Variants in TNC observed in about 807,000 individuals in gnomAD.
The protein encoded by TNC is tenascin C.
A neutral mutation model predicts 202.4 loss-of-function variants in TNC; 109 were observed. That is an observed-to-expected ratio of 0.54 (90% CI 0.46 to 0.63). TNC has a LOEUF of 0.63. Among genes scored for constraint, TNC ranks in the 30% least tolerant of loss-of-function variants. The probability of loss-of-function intolerance (pLI) is 0.00; values close to 1 mark genes in which losing one functional copy is unlikely to be tolerated. For missense variants in TNC, 2,756 were observed against 2,833.3 expected (o/e 0.97, Z 0.62); for synonymous variants, 1,007 against 1,089.7 (o/e 0.92, Z 1.50).
chr9:115,075,845 T>C (rs1749560436), intron 9 of TNC, among the ~76,000 whole-genome samples, 187 bp downstream of exon 9: 1 of 152,206 alleles, frequency 6.6e-6, no homozygotes, highest in South Asian at 2.1e-4. Context: ...GGGGATGATG[T>C]TGGCATCATA....
chr9:115,111,366 T>C (rs1837033786), intron 1 of TNC, among the ~76,000 whole-genome samples: 1 of 149,288 alleles, frequency 6.7e-6, no homozygotes, highest in Admixed American at 6.7e-5. Flanking sequence ...GATTGTGATG[T>C]GCCTCTTGCT....
chr9:115,102,810 C>T (rs1294316554), intron 1 of TNC, among the ~76,000 whole-genome samples: 5 of 152,186 alleles, frequency 3.3e-5, no homozygotes, highest in Non-Finnish European at 7.3e-5. Flanking sequence ...TCTCTGAATG[C>T]ACAACACAAA....
chr9:115,087,146 G>C lies in TNC; in HGVS notation c.585C>G (p.His195Gln). The change falls in exon 3 of 28, where the codon CAC (histidine) becomes CAG (glutamine). Residue 195 changes from histidine to glutamine, a missense_variant. Coordinates refer to ENST00000350763, the MANE Select transcript of TNC (RefSeq NM_002160.4). ...CSEPECPGNCHLRGRCIDGQC... is the reference protein window; with the variant it reads ...CSEPECPGNCQLRGRCIDGQC... Reference sequence around the variant, plus strand: ...GCCCATCAATGCACCGGCCTCGAAGGTGACAGTTGCCTGGACATTCGGGCT... The same window carrying C: ...GCCCATCAATGCACCGGCCTCGAAGCTGACAGTTGCCTGGACATTCGGGCT... The C allele has an allele frequency of 6.2e-7, 1 of 1,614,254 alleles. No homozygotes were observed. Among genetic ancestry groups the C allele is most frequent in the Non-Finnish European group, 8.5e-7 (1 of 1,180,056 alleles).
At chr9:115,044,611 T>C (rs1438677575) in intron 17 of TNC, among the ~76,000 whole-genome samples, 1 of 152,006 alleles carries the variant, frequency 6.6e-6, no homozygotes, top group Non-Finnish European at 1.5e-5. Flanking sequence ...AAAAAAAAGA[T>C]CAGCAAAACA....
rs1478209354 is a variant in TNC, at chr9:115,064,064, T to C, written c.3492A>G (p.Glu1164=). The C allele has an allele frequency of 6.2e-7, 1 of 1,604,878 alleles. No individual in the cohort carries two copies. Among genetic ancestry groups the C allele is most frequent in the African/African-American group, 1.3e-5 (1 of 74,654 alleles). The change falls in exon 12 of 28, where the codon GAA becomes GAG. Residue 1164 remains glutamate, a synonymous_variant. Transcript: ENST00000350763. The stretch of plus-strand genomic sequence containing the variant: ...CCACGACCTCTCCCAAATTGGGAGT[T>C]TCCCCTGGAGAAGGACAAAGAACTA... ...PVLSAEASTG[E]TPNLGEVVVA... is the part of the protein sequence containing the mutation.
chr9:115,049,057 A>G (rs895962209), intron 15 of TNC, among the ~76,000 whole-genome samples: 1 of 112,406 alleles, frequency 8.9e-6, no homozygotes, highest in African/African-American at 4.0e-5. Flanking sequence ...AAGCTGAAAT[A>G]AAGGGAGGAG....
chr9:115,084,303 G>A lies in TNC; in HGVS notation c.2037C>T (p.Ile679=), dbSNP rs2133386857. 6.2e-7 allele frequency: 1 copy of A among 1,614,142 alleles called. No homozygotes were observed. Among genetic ancestry groups the A allele is most frequent in the Non-Finnish European group, 8.5e-7 (1 of 1,180,028 alleles). ...RVPGDQTSTI[I]QELEPGVEYF... is the part of the protein sequence containing the mutation. Reference sequence around the variant, plus strand: ...ACTCCACACCAGGCTCCAGCTCCTGGATGATGGTGGACGTCTGGTCCCCAG... The same window carrying A: ...ACTCCACACCAGGCTCCAGCTCCTGAATGATGGTGGACGTCTGGTCCCCAG... Residue 679 remains isoleucine, a synonymous_variant, in exon 4 of 28, where the codon ATC becomes ATT. Coordinates refer to ENST00000350763, the MANE Select transcript of TNC (RefSeq NM_002160.4).
chr9:115,021,059 G>T lies in TNC; in HGVS notation c.*98C>A. ...AGCTTTGACTCTCACCAAATGCCCA[G>T]GTGTGGACCGATGGTTGGGCTGGTT... On this transcript the variant is annotated 3_prime_UTR_variant, in exon 28 of 28. Coordinates refer to ENST00000350763, the MANE Select transcript of TNC (RefSeq NM_002160.4). 3 of 1,002,734 alleles carry T rather than the reference G, an allele frequency of 3.0e-6. No individual in the cohort carries two copies. The highest frequency in any genetic ancestry group is 3.0e-5 in the South Asian group (2 of 67,132). The allele number at this position is 1,002,734 out of a possible 1,614,324, so 62.1% of individuals were successfully genotyped here.
intron 15 of TNC, among the ~76,000 whole-genome samples, chr9:115,055,255 C>T (rs1483550081): frequency 6.6e-6 from 1 of 152,118 alleles, no homozygotes; most frequent in Non-Finnish European, 1.5e-5. Flanking sequence ...AGAACAACTC[C>T]AGATGTGAAT....
At position 115,024,109 on chromosome 9, in the gene TNC, C is replaced by G; in HGVS notation, c.6359G>C (p.Arg2120Thr). 6.2e-7 allele frequency: 1 copy of G among 1,614,094 alleles called. No homozygotes were observed. The change falls in exon 27 of 28, where the codon AGA (arginine) becomes ACA (threonine). Residue 2120 changes from arginine to threonine, a missense_variant. Transcript: ENST00000350763. ...AGDSMAYHNGRSFSTFDKDTD... is the reference protein window; with the variant it reads ...AGDSMAYHNGTSFSTFDKDTD... The stretch of plus-strand genomic sequence containing the variant: ...GTCCTTGTCAAAGGTGGAGAAGGAT[C>G]TGCCATTGTGGTAGGCCATGGAGTC...
intron 12 of TNC, 81 bp downstream of exon 12, chr9:115,063,715 G>A (rs868745142): frequency 6.8e-7 from 1 of 1,476,212 alleles, no homozygotes; most frequent in Non-Finnish European, 9.3e-7. Context: ...GCTGATCCCA[G>A]TTTAAAGCAA....
chr9:115,045,377 C>G (rs1362102552), intron 17 of TNC, among the ~76,000 whole-genome samples: 1 of 151,568 alleles, frequency 6.6e-6, no homozygotes, highest in Non-Finnish European at 1.5e-5. Flanking sequence ...TTATTATTAT[C>G]ATTATTTGAG....
chr9:115,057,341 A>G lies in TNC; in HGVS notation c.4391T>C (p.Ile1464Thr). ...AATTTCAATGGTAAAGGTCTCGAAG[A>G]TCCCATCGGTAGCCATCCAGGAGAG... ...FNLSWMATDG[I>T]FETFTIEIID... Residue 1464 changes from isoleucine to threonine, a missense_variant, in exon 15 of 28, where the codon ATC becomes ACC. Ile to Thr is a moderately conservative substitution (Grantham distance 89). Coordinates refer to ENST00000350763, the MANE Select transcript of TNC (RefSeq NM_002160.4). 6.2e-7 allele frequency: 1 copy of G among 1,614,194 alleles called. No individual in the cohort carries two copies. Among genetic ancestry groups the G allele is most frequent in the Non-Finnish European group, 8.5e-7 (1 of 1,180,040 alleles).
chr9:115,027,576 TGA>T (rs1207910703), intron 25 of TNC, among the ~76,000 whole-genome samples: 1 of 151,810 alleles, frequency 6.6e-6, no homozygotes, highest in East Asian at 1.9e-4. Context: ...GGCGACAGAG[TGA>T]AACTCTGTCT....
In TNC at chr9:115,086,247, T is replaced by C; in HGVS notation, c.1484A>G (p.Asp495Gly). ...CVCDDGYTGE[D>G]CRDRQCPRDC... Reference sequence around the variant, plus strand: ...CCTGGGGCATTGGCGATCCCGGCAGTCTTCCCCTGTGTAGCCGTCATCACA... The same window carrying C: ...CCTGGGGCATTGGCGATCCCGGCAGCCTTCCCCTGTGTAGCCGTCATCACA... The change falls in exon 3 of 28, where the codon GAC becomes GGC. Residue 495 changes from aspartate to glycine, a missense_variant. Transcript: ENST00000350763. 6.2e-7 allele frequency: 1 copy of C among 1,614,216 alleles called. No individual in the cohort carries two copies. Among genetic ancestry groups the C allele is most frequent in the Non-Finnish European group, 8.5e-7 (1 of 1,180,042 alleles).
chr9:115,094,621 T>G (rs1157193424), intron 1 of TNC, among the ~76,000 whole-genome samples: 1 of 152,134 alleles, frequency 6.6e-6, no homozygotes, highest in Non-Finnish European at 1.5e-5. Flanking sequence ...AAACACAGAT[T>G]CTAATCTTTA....
chr9:115,104,465 T>C (rs1256275306), intron 1 of TNC, among the ~76,000 whole-genome samples: 1 of 152,186 alleles, frequency 6.6e-6, no homozygotes, highest in Non-Finnish European at 1.5e-5. Flanking sequence ...GAAGGCATTG[T>C]GATGGGAGAG....
intron 18 of TNC, among the ~76,000 whole-genome samples, 170 bp downstream of exon 18, chr9:115,042,049 A>C (rs1830795857): frequency 6.6e-6 from 1 of 152,184 alleles, no homozygotes; most frequent in African/African-American, 2.4e-5. Flanking sequence ...TCTTCTAAGA[A>C]CCTCATAGCA....
rs767698134 is a variant in TNC, at chr9:115,063,785, G to T, written c.3760+11C>A. ...GGGGAGGAAGTGAATTAGTGAATTCGTCTAGAATACCTGTCAAGACTTCAA... is the reference window on the plus strand; with the variant it reads ...GGGGAGGAAGTGAATTAGTGAATTCTTCTAGAATACCTGTCAAGACTTCAA... On this transcript the variant is annotated intron_variant, in intron 12 of 27. Coordinates refer to ENST00000350763, the MANE Select transcript of TNC (RefSeq NM_002160.4). The T allele has an allele frequency of 1.9e-6, 3 of 1,604,214 alleles. No homozygotes were observed. Among genetic ancestry groups the T allele is most frequent in the Non-Finnish European group, 2.6e-6 (3 of 1,172,110 alleles).
Sources: gnomAD v4.1 joint callset for allele counts (sites outside exome capture counted in the v4.1 genomes callset) on GRCh38, gnomAD v4.1.1 for gene constraint, MANE v1.5 for transcripts, NCBI Gene and HGNC (gene_info 2026-07-23, HGNC 2026-07-21) for gene names.